The following SYNE1 variants were observed in gnomAD, a reference collection of about 807,000 sequenced individuals.
SYNE1 encodes nesprin-1.
A neutral mutation model predicts 1,111.0 loss-of-function variants in SYNE1; 616 were observed. The ratio of observed to expected loss-of-function variants is 0.55; its 90% CI spans 0.52 to 0.59. The LOEUF (loss-of-function observed/expected upper bound fraction) is 0.59, where lower values mean the gene tolerates loss of function less well. Ranked by LOEUF, SYNE1 falls within the 20% of genes least tolerant of loss-of-function variation. The probability of loss-of-function intolerance (pLI) is 0.00; values close to 1 mark genes in which losing one functional copy is unlikely to be tolerated. For missense variants in SYNE1, 10,006 were observed against 10,417.0 expected (o/e 0.96, Z 1.72); for synonymous variants, 3,855 against 3,825.8 (o/e 1.01, Z -0.28).
At chr6:152,457,078 C>T (rs2098701216) in intron 22 of SYNE1, among the ~76,000 whole-genome samples, 1 of 151,798 alleles carries the variant, frequency 6.6e-6, no homozygotes, top group East Asian at 1.9e-4. Context: ...GAGATATCAC[C>T]ATGTCTAAAA....
At chr6:152,132,304 A>C in intron 143 of SYNE1, 90 bp from the exon 144 acceptor site, 5 of 1,035,784 alleles carry the variant, frequency 4.8e-6, no homozygotes, top group African/African-American at 1.6e-5. Flanking sequence ...CTCCATCTCC[A>C]TCCACCCCCA....
intron 11 of SYNE1, among the ~76,000 whole-genome samples, chr6:152,496,694 C>T (rs1212166367): frequency 3.3e-5 from 5 of 152,110 alleles, no homozygotes; most frequent in African/African-American, 1.2e-4. Flanking sequence ...ATTTTCAATG[C>T]CCCAACACTT....
chr6:152,167,580 T>G (rs913943561), intron 130 of SYNE1: 1 of 345,874 alleles, frequency 2.9e-6, no homozygotes, highest in Non-Finnish European at 5.8e-6. Flanking sequence ...ATATATTTTA[T>G]AAGCTTCATA....
chr6:152,328,380 T>TTTTTTTA (rs1554460766), intron 78 of SYNE1, among the ~76,000 whole-genome samples: 2 of 137,556 alleles, frequency 1.5e-5, no homozygotes, highest in African/African-American at 5.7e-5. Flanking sequence ...TCTTATTTTA[T>TTTTTTTA]TTTATTTATT....
rs181040990 is a variant in SYNE1, at chr6:152,470,261, G to A, written c.1632+1336C>T. On this transcript the variant is annotated intron_variant, in intron 16 of 145. Coordinates refer to ENST00000367255, the MANE Select transcript of SYNE1 (RefSeq NM_182961.4). Reference sequence around the variant, plus strand: ...ATTGTGTTGGAACATTAACCTGGTGGAATAGTCTTATTAGCTGTTTAAATC... The same window carrying A: ...ATTGTGTTGGAACATTAACCTGGTGAAATAGTCTTATTAGCTGTTTAAATC... Among the ~76,000 whole-genome samples the A allele has an allele frequency of 2.6e-5, 4 of 152,222 alleles. No individual in the cohort carries two copies. In the East Asian group the frequency reaches 7.7e-4, roughly 29 times the overall value.
intron 93 of SYNE1, among the ~76,000 whole-genome samples, chr6:152,294,986 C>G (rs1197415510): frequency 6.6e-6 from 1 of 152,096 alleles, no homozygotes; most frequent in Non-Finnish European, 1.5e-5. Context: ...ATTATGTCAG[C>G]TTAAAATACC....
At chr6:152,595,104 G>A (rs114367938) in intron 3 of SYNE1, among the ~76,000 whole-genome samples, 226 of 152,204 alleles carry the variant, frequency 1.5e-3, no homozygotes, top group African/African-American at 5.1e-3. Context: ...TTCCTTTGCG[G>A]TCTCCTGTCT....
chr6:152,230,678 C>T lies in SYNE1; in HGVS notation c.21064G>A (p.Glu7022Lys). 6.2e-7 allele frequency: 1 copy of T among 1,613,960 alleles called. No homozygotes were observed. The change falls in exon 115 of 146, where the codon GAA becomes AAA. Residue 7022 changes from glutamate (E) to lysine (K), a missense_variant. Glu to Lys is a moderately conservative substitution (Grantham distance 56). Coordinates refer to ENST00000367255, the MANE Select transcript of SYNE1 (RefSeq NM_182961.4). Reference sequence around the variant, plus strand: ...TTATTTTCATATTCTGACCAAGATTCCAATAAGCCTTCCAACAGCTGGATC... The same window carrying T: ...TTATTTTCATATTCTGACCAAGATTTCAATAAGCCTTCCAACAGCTGGATC... ...EKIQLLEGLL[E>K]SWSEYENNVQ...
chr6:152,360,672 A>C (rs9371591), intron 64 of SYNE1, among the ~76,000 whole-genome samples: 9,586 of 152,280 alleles, frequency 0.063, 360 homozygotes, highest in East Asian at 0.17. Flanking sequence ...CCCTACATGT[A>C]GCAATTTCTC....
intron 98 of SYNE1, among the ~76,000 whole-genome samples, chr6:152,277,254 TTTTC>T (rs2093694167): frequency 6.9e-6 from 1 of 145,416 alleles, no homozygotes; most frequent in African/African-American, 2.6e-5. Flanking sequence ...TCACACTCCT[TTTTC>T]TTTTTCTTTT....
chr6:152,358,807 C>T (rs1591007256), intron 65 of SYNE1, among the ~76,000 whole-genome samples: 1 of 152,294 alleles, frequency 6.6e-6, no homozygotes, highest in African/African-American at 2.4e-5. Flanking sequence ...AATGAATTCA[C>T]TTTACTAATT....
rs759004104 is a variant in SYNE1 at position 152,133,370 on chromosome 6, T to C, written c.25907A>G (p.His8636Arg). 9.9e-6 allele frequency: 16 copies of C among 1,614,096 alleles called. No homozygotes were observed. In the African/African-American group the frequency reaches 1.2e-4, roughly 12 times the overall value. ...AAGTTTGAGCCGATTTCCAATAACA[T>C]GGACTTTTTCTTTGGCTTCTAAACA... ...TDCLEAKEKV[H>R]VIGNRLKLLL... The change falls in exon 143 of 146, where the codon CAT becomes CGT. Residue 8636 changes from histidine (H) to arginine (R), a missense_variant. This residue lies in a region of SYNE1 where 761 missense variants were observed against 795.5 expected (regional missense o/e 0.96). Coordinates refer to ENST00000367255, the MANE Select transcript of SYNE1 (RefSeq NM_182961.4).
At chr6:152,284,903 C>T (rs2094242479) in intron 95 of SYNE1, among the ~76,000 whole-genome samples, 1 of 152,006 alleles carries the variant, frequency 6.6e-6, no homozygotes, top group African/African-American at 2.4e-5. Context: ...ATGGGAGAAA[C>T]CTGTAACCTA....
At chr6:152,209,185 T>C (rs1418889958) in intron 124 of SYNE1, among the ~76,000 whole-genome samples, 2 of 152,218 alleles carry the variant, frequency 1.3e-5, no homozygotes, top group African/African-American at 4.8e-5. Context: ...TCCTCAGATA[T>C]ACTATCCTCT....
chr6:152,321,066 A>T (rs1010368079), intron 84 of SYNE1, among the ~76,000 whole-genome samples, 172 bp downstream of exon 84: 43 of 152,218 alleles, frequency 2.8e-4, no homozygotes, highest in African/African-American at 9.7e-4. Context: ...CATATCTATG[A>T]TCATCTTGCC....
intron 107 of SYNE1, among the ~76,000 whole-genome samples, chr6:152,240,542 G>A (rs78867673): frequency 1.3e-5 from 2 of 152,256 alleles, no homozygotes; most frequent in East Asian, 3.9e-4. Flanking sequence ...AATAGACCCT[G>A]GAGAATGGAG....
intron 76 of SYNE1, chr6:152,336,632 G>A (rs955728876): frequency 1.2e-4 from 80 of 640,826 alleles, no homozygotes; most frequent in Admixed American, 6.9e-5. Flanking sequence ...ATGCTTGCTC[G>A]CCTCCCACTG....
chr6:152,142,011 T>C (rs1387566962), intron 138 of SYNE1, among the ~76,000 whole-genome samples: 1 of 151,980 alleles, frequency 6.6e-6, no homozygotes, highest in Non-Finnish European at 1.5e-5. Flanking sequence ...TTCAGCTGCA[T>C]GCAGCGAGCT....
At chr6:152,511,608 A>C in intron 6 of SYNE1, 2 of 1,611,504 alleles carry the variant, frequency 1.2e-6, no homozygotes, top group Middle Eastern at 1.7e-4. Flanking sequence ...TGAAAAACAA[A>C]GGGAGAAGAT....
Sources: gnomAD v4.1 joint callset for allele counts (sites outside exome capture counted in the v4.1 genomes callset) on GRCh38, gnomAD v4.1.1 for gene constraint, gnomAD v4.1.1 regional missense constraint, MANE v1.5 for transcripts, NCBI Gene and HGNC (gene_info 2026-07-23, HGNC 2026-07-21) for gene names.